The following SLC25A18 variants were observed in gnomAD, a reference collection of about 807,000 sequenced individuals.
The protein encoded by SLC25A18 is mitochondrial glutamate carrier 2.
Under a neutral mutation model 31.1 loss-of-function variants are expected in SLC25A18, and 24 were observed. That is an observed-to-expected ratio of 0.77 (90% CI 0.56 to 1.08). The LOEUF (loss-of-function observed/expected upper bound fraction) is 1.08. SLC25A18 is among the 50% of genes least tolerant of loss of function. The probability of loss-of-function intolerance (pLI) is 0.00; values close to 1 mark genes in which losing one functional copy is unlikely to be tolerated. For synonymous variants in SLC25A18, 173 were observed against 161.9 expected (o/e 1.07, Z -0.52); for missense variants, 371 against 418.5 (o/e 0.89, Z 0.99).
At chr22:17,566,532 C>CCTTGG (rs1353274400) in intron 1 of SLC25A18, among the ~76,000 whole-genome samples, 1 of 152,158 alleles carries the variant, frequency 6.6e-6, no homozygotes, top group Non-Finnish European at 1.5e-5. Context: ...CCCGCTTAAG[C>CCTTGG]CTTCCAAATA....
At chr22:17,580,431 G>T (rs897463464) in intron 3 of SLC25A18, 7 of 628,974 alleles carry the variant, frequency 1.1e-5, no homozygotes, top group Non-Finnish European at 1.4e-5. Flanking sequence ...AGGGTGGGGG[G>T]CCATGTTATC....
intron 3 of SLC25A18, chr22:17,580,552 TC>T (rs533787220): frequency 3.0e-6 from 3 of 989,416 alleles, no homozygotes; most frequent in African/African-American, 3.5e-5. Context: ...TAGCTGGCAT[TC>T]CCCCCCAGGC....
intron 1 of SLC25A18, among the ~76,000 whole-genome samples, chr22:17,566,303 C>T (rs1157589693): frequency 6.6e-6 from 1 of 152,184 alleles, no homozygotes; most frequent in Non-Finnish European, 1.5e-5. Context: ...CCTGCTGATG[C>T]GTGTTTCAAA....
At chr22:17,584,084 T>C in intron 7 of SLC25A18, 1 of 985,210 alleles carries the variant, frequency 1.0e-6, no homozygotes, top group Non-Finnish European at 1.2e-6. Flanking sequence ...CAATTAGACT[T>C]GATCTCCTAA....
chr22:17,581,497 C>A (rs1482186081), intron 5 of SLC25A18, 84 bp downstream of exon 5: 2 of 1,494,718 alleles, frequency 1.3e-6, no homozygotes, highest in African/African-American at 1.4e-5. Flanking sequence ...TCCGTTGCTG[C>A]GGGGATGGGG....
intron 7 of SLC25A18, among the ~76,000 whole-genome samples, chr22:17,584,423 G>GAAAGA (rs58573353): frequency 3.6e-5 from 4 of 111,518 alleles, no homozygotes; most frequent in Non-Finnish European, 5.9e-5. Flanking sequence ...AAGAAAGAAA[G>GAAAGA]AAGGAAGGAA....
At chr22:17,565,474 AATG>A (rs2056912696) in intron 1 of SLC25A18, among the ~76,000 whole-genome samples, 1 of 152,086 alleles carries the variant, frequency 6.6e-6, no homozygotes, top group Admixed American at 6.5e-5. Flanking sequence ...CCAGGGCTCA[AATG>A]ATCCTCCTTC....
intron 7 of SLC25A18, among the ~76,000 whole-genome samples, chr22:17,586,123 C>G (rs780496548): frequency 1.6e-4 from 24 of 152,172 alleles, no homozygotes; most frequent in Admixed American, 3.3e-4. Context: ...GACCTGGAAG[C>G]CTGAGGGAGA....
At chr22:17,578,208 C>T (rs1348691669) in intron 2 of SLC25A18, among the ~76,000 whole-genome samples, 3 of 151,606 alleles carry the variant, frequency 2.0e-5, no homozygotes, top group Non-Finnish European at 4.4e-5. Flanking sequence ...TGGGCTCAGG[C>T]GATCCACCCG....
At chr22:17,579,157 C>T (rs1241838453) in intron 2 of SLC25A18, among the ~76,000 whole-genome samples, 3 of 150,866 alleles carry the variant, frequency 2.0e-5, no homozygotes, top group Admixed American at 6.6e-5. Flanking sequence ...GGTGTGATCT[C>T]GGCTCCACCA....
intron 1 of SLC25A18, among the ~76,000 whole-genome samples, chr22:17,567,136 T>C (rs1201221550): frequency 6.6e-6 from 1 of 152,232 alleles, no homozygotes; most frequent in East Asian, 1.9e-4. Flanking sequence ...CGCTCCAGCC[T>C]GGGCGACAGA....
chr22:17,581,301 T>C (rs1341117589), intron 4 of SLC25A18, 57 bp from the exon 5 acceptor site: 1 of 1,609,118 alleles, frequency 6.2e-7, no homozygotes, highest in South Asian at 1.1e-5. Flanking sequence ...GAGCAGGGCA[T>C]GGAGGCGGCT....
At chr22:17,588,894 T>TA (rs35328239) in intron 9 of SLC25A18, 34,003 of 141,874 alleles carry the variant, frequency 0.24, 3,921 homozygotes, top group African/African-American at 0.27. Flanking sequence ...ACCCTGTCTC[T>TA]AAAAAAAAAA....
In SLC25A18 at chr22:17,589,626, T is replaced by C; in HGVS notation, c.767T>C (p.Leu256Pro). 9.9e-6 allele frequency: 16 copies of C among 1,614,124 alleles called. No homozygotes were observed. Among genetic ancestry groups the C allele is most frequent in the Non-Finnish European group, 1.3e-5 (15 of 1,180,008 alleles). ...KTRIQTLKKG[L>P]GEDMYSGITD... is the part of the protein sequence containing the mutation. ...CGAATCCAAACCCTCAAGAAAGGCC[T>C]GGGCGAGGACATGTACAGTGGGATC... The change falls in exon 10 of 11, where the codon CTG becomes CCG. Residue 256 changes from leucine (L) to proline (P), a missense_variant. Physicochemically the swap from Leu to Pro is moderately conservative, Grantham distance 98 (BLOSUM62 -3). Coordinates refer to ENST00000327451, the MANE Select transcript of SLC25A18 (RefSeq NM_031481.3).
At chr22:17,574,825 T>C (rs1248503953) in intron 2 of SLC25A18, among the ~76,000 whole-genome samples, 1 of 141,338 alleles carries the variant, frequency 7.1e-6, no homozygotes, top group Non-Finnish European at 1.5e-5. Flanking sequence ...CTGGCCAATG[T>C]TCCCTTTATT....
intron 7 of SLC25A18, among the ~76,000 whole-genome samples, chr22:17,586,903 T>C (rs143217895): frequency 7.9e-5 from 12 of 152,282 alleles, no homozygotes; most frequent in African/African-American, 2.9e-4. Flanking sequence ...GTGGCTGTGC[T>C]CTTGGGAAGT....
intron 9 of SLC25A18, 34 bp from the exon 10 acceptor site, chr22:17,589,556 G>A: frequency 6.3e-7 from 1 of 1,597,112 alleles, no homozygotes. Context: ...AAAGTAAGCT[G>A]TTCACTACTT....
At chr22:17,589,877 C>T (rs1019348482) in intron 10 of SLC25A18, among the ~76,000 whole-genome samples, 1 of 152,184 alleles carries the variant, frequency 6.6e-6, no homozygotes, top group Non-Finnish European at 1.5e-5. Flanking sequence ...AGATTCTAGC[C>T]ACATCAAGCC....
chr22:17,564,235 A>G (rs1199565161), intron 1 of SLC25A18, among the ~76,000 whole-genome samples: 1 of 152,158 alleles, frequency 6.6e-6, no homozygotes, highest in Non-Finnish European at 1.5e-5. Flanking sequence ...TCCTCTCCCC[A>G]CCACCTCAGC....
Sources: gnomAD v4.1 joint callset for allele counts (sites outside exome capture counted in the v4.1 genomes callset) on GRCh38, gnomAD v4.1.1 for gene constraint, MANE v1.5 for transcripts, NCBI Gene and HGNC (gene_info 2026-07-23, HGNC 2026-07-21) for gene names.